EXTL3: variants seen among roughly 807,000 people sequenced by gnomAD.
EXTL3 encodes the protein exostosin like glycosyltransferase 3.
EXTL3 carries 27 observed loss-of-function variants against 69.3 expected under a neutral mutation model. The observed-to-expected ratio is 0.39, with a 90% CI of 0.29 to 0.54. The LOEUF (loss-of-function observed/expected upper bound fraction) is 0.54. Among genes scored for constraint, EXTL3 ranks in the 20% least tolerant of loss-of-function variants. EXTL3 has a pLI of 0.69. For missense variants in EXTL3, 1,003 were observed against 1,231.8 expected (o/e 0.81, Z 2.78); for synonymous variants, 511 against 499.4 (o/e 1.02, Z -0.31).
In EXTL3 at chr8:28,716,229, C is replaced by A. The variant is rs1046622436; in HGVS notation, c.170C>A (p.Ala57Asp). ...AHYYLTTLDEADEAGKRIFGP... is the reference protein window; with the variant it reads ...AHYYLTTLDEDDEAGKRIFGP... The stretch of plus-strand genomic sequence containing the variant: ...TATTACCTCACCACTCTGGATGAGG[C>A]TGATGAGGCAGGCAAGCGGATTTTT... Residue 57 changes from alanine to aspartate, a missense_variant, in exon 3 of 7, where the codon GCT (alanine) becomes GAT (aspartate). This residue lies in a region of EXTL3 where 742 missense variants were observed against 815.4 expected (regional missense o/e 0.91). Transcript: ENST00000220562. This position sits in a 1 kb window ranked among gnomAD's most constrained non-coding sequence, Gnocchi z 7.1. 1.9e-6 allele frequency: 3 copies of A among 1,614,220 alleles called. No individual in the cohort carries two copies. The highest frequency in any genetic ancestry group is 2.5e-6 in the Non-Finnish European group (3 of 1,180,030).
chr8:28,711,236 A>G (rs891663468), intron 1 of EXTL3, among the ~76,000 whole-genome samples: 1 of 151,294 alleles, frequency 6.6e-6, no homozygotes, highest in Non-Finnish European at 1.5e-5. Context: ...TTTCTTTGTC[A>G]TTCTTGTAGG....
intron 1 of EXTL3, among the ~76,000 whole-genome samples, chr8:28,652,025 T>TTGTGTGTGTG (rs113760212): frequency 0.035 from 5,358 of 151,374 alleles, 311 homozygotes; most frequent in African/African-American, 0.12. Flanking sequence ...TAATATTCCA[T>TTGTGTGTGTG]TGTGTGTGTG....
intron 6 of EXTL3, among the ~76,000 whole-genome samples, chr8:28,745,707 A>G (rs1335060813): frequency 6.6e-6 from 1 of 152,236 alleles, no homozygotes; most frequent in African/African-American, 2.4e-5. Flanking sequence ...TAATAATAGC[A>G]TCAGTTACCT....
At chr8:28,710,580 TGA>T in intron 1 of EXTL3, 5 of 401,970 alleles carry the variant, frequency 1.2e-5, no homozygotes, top group South Asian at 9.0e-5. Flanking sequence ...TCTATATTCA[TGA>T]GAGATTTTTT....
chr8:28,683,489 T>C (rs1004921837), intron 1 of EXTL3, among the ~76,000 whole-genome samples: 2 of 152,204 alleles, frequency 1.3e-5, no homozygotes, highest in Admixed American at 1.3e-4. Context: ...AATCCAATTA[T>C]ACTCTTTTAG....
chr8:28,635,277 G>A (rs927555225), intron 1 of EXTL3, among the ~76,000 whole-genome samples: 9 of 151,312 alleles, frequency 5.9e-5, no homozygotes, highest in Non-Finnish European at 1.0e-4. Flanking sequence ...AAAACACTAA[G>A]CAAGGAATGG....
intron 1 of EXTL3, among the ~76,000 whole-genome samples, chr8:28,643,991 C>G (rs1806788005): frequency 6.6e-6 from 1 of 152,122 alleles, no homozygotes; most frequent in African/African-American, 2.4e-5. Context: ...TCTCAAACTC[C>G]TGGGATAAAG....
intron 4 of EXTL3, 100 bp from the exon 5 acceptor site, chr8:28,737,419 T>G (rs1189068590): frequency 7.6e-7 from 1 of 1,322,990 alleles, no homozygotes. Flanking sequence ...AGTAAAAGCC[T>G]AAGGGCCAGA....
chr8:28,715,087 C>G (rs1460444452), intron 2 of EXTL3, among the ~76,000 whole-genome samples: 2 of 152,238 alleles, frequency 1.3e-5, no homozygotes, highest in African/African-American at 4.8e-5. Context: ...AAAGAGTTCT[C>G]TTCAACCCTT....
At chr8:28,730,285 A>G (rs1037583955) in intron 3 of EXTL3, 22 of 152,204 alleles carry the variant, frequency 1.4e-4, no homozygotes, top group African/African-American at 4.6e-4. Context: ...GTGGCATTCT[A>G]AAAAGATTAT....
intron 3 of EXTL3, among the ~76,000 whole-genome samples, chr8:28,729,098 C>G (rs1170962508): frequency 2.0e-5 from 3 of 151,426 alleles, no homozygotes; most frequent in Admixed American, 2.0e-4. Flanking sequence ...GAGTTCGAGA[C>G]CAGCCTAGGC....
chr8:28,652,877 A>G (rs1428743953), intron 1 of EXTL3, among the ~76,000 whole-genome samples: 1 of 152,120 alleles, frequency 6.6e-6, no homozygotes, highest in African/African-American at 2.4e-5. Flanking sequence ...TTTTTAGAGT[A>G]GTTTTTAAGT....
At chr8:28,728,931 C>G (rs1801471863) in intron 3 of EXTL3, among the ~76,000 whole-genome samples, 1 of 152,074 alleles carries the variant, frequency 6.6e-6, no homozygotes, top group East Asian at 1.9e-4. Flanking sequence ...ATCAAGTAAA[C>G]AAGGGATCAT....
intron 1 of EXTL3, among the ~76,000 whole-genome samples, chr8:28,686,333 CA>C (rs542892730): frequency 2.6e-3 from 320 of 123,252 alleles, no homozygotes; most frequent in Middle Eastern, 4.3e-3. Context: ...CTCTCTCTCT[CA>C]AAAAAAAAAA....
chr8:28,740,252 T>G (rs909160887), intron 5 of EXTL3: 1 of 152,230 alleles, frequency 6.6e-6, no homozygotes, highest in Non-Finnish European at 1.5e-5. Context: ...TGCGCTTACC[T>G]GCCTGTGGCT....
At chr8:28,744,902 G>T (rs971309249) in intron 6 of EXTL3, among the ~76,000 whole-genome samples, 5 of 152,168 alleles carry the variant, frequency 3.3e-5, no homozygotes, top group African/African-American at 1.2e-4. Flanking sequence ...GGCAGAGATT[G>T]CAGTGAGCTG....
At chr8:28,720,974 T>C (rs1801281494) in intron 3 of EXTL3, among the ~76,000 whole-genome samples, 1 of 152,236 alleles carries the variant, frequency 6.6e-6, no homozygotes, top group African/African-American at 2.4e-5. Flanking sequence ...TGAAAGATGT[T>C]CCACTGTTTC....
chr8:28,705,334 A>T (rs960240954), intron 1 of EXTL3, among the ~76,000 whole-genome samples: 3 of 152,204 alleles, frequency 2.0e-5, no homozygotes, highest in Admixed American at 6.5e-5. Flanking sequence ...AGGGGACCTG[A>T]TGAATCAGAA....
At chr8:28,662,401 G>C (rs1312101535) in intron 1 of EXTL3, among the ~76,000 whole-genome samples, 3 of 152,136 alleles carry the variant, frequency 2.0e-5, no homozygotes, top group Non-Finnish European at 4.4e-5. Context: ...TTCTGATGAA[G>C]TTGTCATCAG....
Sources: gnomAD v4.1 joint callset for allele counts (sites outside exome capture counted in the v4.1 genomes callset) on GRCh38, gnomAD v4.1.1 for gene constraint, gnomAD v4.1.1 regional missense constraint, Gnocchi (gnomAD v3.1) non-coding constraint, MANE v1.5 for transcripts, NCBI Gene and HGNC (gene_info 2026-07-23, HGNC 2026-07-21) for gene names.